MACROD2: variants seen among roughly 807,000 people sequenced by gnomAD.
MACROD2 encodes the protein mono-ADP ribosylhydrolase 2.
Under a neutral mutation model 70.4 loss-of-function variants are expected in MACROD2, and 36 were observed. The ratio of observed to expected loss-of-function variants is 0.51; its 90% CI spans 0.39 to 0.68. The LOEUF is 0.68. Among genes scored for constraint, MACROD2 ranks in the 30% least tolerant of loss-of-function variants. The pLI is 0.00. For synonymous variants in MACROD2, 172 were observed against 178.8 expected (o/e 0.96, Z 0.30); for missense variants, 496 against 538.4 (o/e 0.92, Z 0.78).
chr20:15,070,101 C>T (rs1181413953), intron 5 of MACROD2, among the ~76,000 whole-genome samples: 2 of 152,170 alleles, frequency 1.3e-5, no homozygotes, highest in African/African-American at 4.8e-5. Flanking sequence ...CCACCCCTCA[C>T]ACCAGTGTGC....
chr20:15,135,087 A>G (rs1327714997), intron 5 of MACROD2, among the ~76,000 whole-genome samples: 1 of 152,134 alleles, frequency 6.6e-6, no homozygotes, highest in African/African-American at 2.4e-5. Context: ...TTACCAACCA[A>G]AAAGAGTCCA....
intron 5 of MACROD2, chr20:14,893,421 T>C (rs548283583): frequency 6.6e-5 from 10 of 152,300 alleles, no homozygotes; most frequent in African/African-American, 1.7e-4. Context: ...CCAATAACAA[T>C]GTACATCTTC....
At chr20:14,451,438 C>T (rs1243052360) in intron 3 of MACROD2, among the ~76,000 whole-genome samples, 4 of 152,090 alleles carry the variant, frequency 2.6e-5, no homozygotes, top group African/African-American at 9.7e-5. Context: ...CAGAGAGAAA[C>T]TGTGTCTCGA....
At chr20:14,590,499 G>C (rs901437237) in intron 4 of MACROD2, among the ~76,000 whole-genome samples, 1 of 152,136 alleles carries the variant, frequency 6.6e-6, no homozygotes, top group Non-Finnish European at 1.5e-5. Context: ...CACTTGAGTA[G>C]CTGTCAGGGT....
At chr20:15,070,232 G>A (rs1408062626) in intron 5 of MACROD2, among the ~76,000 whole-genome samples, 2 of 152,152 alleles carry the variant, frequency 1.3e-5, no homozygotes, top group East Asian at 3.9e-4. Context: ...TTTACCCAAT[G>A]CCAGTTCTAC....
chr20:14,569,100 C>A (rs1980011846), intron 4 of MACROD2, among the ~76,000 whole-genome samples: 1 of 152,026 alleles, frequency 6.6e-6, no homozygotes, highest in South Asian at 2.1e-4. Flanking sequence ...GATTCTCTTA[C>A]AACCGGCAAT....
chr20:14,906,638 G>A (rs1333254946), intron 5 of MACROD2, among the ~76,000 whole-genome samples: 4 of 152,112 alleles, frequency 2.6e-5, no homozygotes, highest in African/African-American at 9.7e-5. Flanking sequence ...TTTTTTTTCA[G>A]AGTAAATAAA....
intron 5 of MACROD2, among the ~76,000 whole-genome samples, chr20:14,738,087 G>GT (rs11474629): frequency 0.78 from 115,510 of 148,284 alleles, 45,330 homozygotes; most frequent in African/African-American, 0.82. Context: ...TCTATCAAGT[G>GT]TTTTTTTTTT....
intron 7 of MACROD2, among the ~76,000 whole-genome samples, chr20:15,461,455 G>A (rs2046817523): frequency 6.6e-6 from 1 of 152,032 alleles, no homozygotes; most frequent in African/African-American, 2.4e-5. Context: ...TCCTCTCCAG[G>A]AAGGCAAGAA....
chr20:15,198,713 T>C (rs1485540257), intron 5 of MACROD2, among the ~76,000 whole-genome samples: 1 of 152,186 alleles, frequency 6.6e-6, no homozygotes, highest in Non-Finnish European at 1.5e-5. Flanking sequence ...AATTTCTCTT[T>C]TGTATAGAAT....
chr20:15,894,069 A>G (rs541137050), intron 10 of MACROD2: 16 of 397,378 alleles, frequency 4.0e-5, no homozygotes, highest in African/African-American at 2.3e-4. Flanking sequence ...CAGCAGGAAC[A>G]TGATGCCACA....
intron 4 of MACROD2, among the ~76,000 whole-genome samples, chr20:14,503,189 C>G (rs1031318707): frequency 1.3e-5 from 2 of 152,168 alleles, no homozygotes; most frequent in Non-Finnish European, 2.9e-5. Context: ...GTCCAGCAGG[C>G]AGTCAGGCCT....
intron 5 of MACROD2, among the ~76,000 whole-genome samples, chr20:14,887,717 A>G (rs1373712145): frequency 6.6e-6 from 1 of 152,010 alleles, no homozygotes; most frequent in Non-Finnish European, 1.5e-5. Flanking sequence ...AAATAGCAGA[A>G]ACAATTGCTT....
chr20:14,694,992 A>G (rs1212263339), intron 5 of MACROD2, among the ~76,000 whole-genome samples: 1 of 152,184 alleles, frequency 6.6e-6, no homozygotes, highest in African/African-American at 2.4e-5. Flanking sequence ...AGTATGTCAG[A>G]ATAATGGGAA....
chr20:14,314,717 G>A lies in MACROD2; in HGVS notation c.272-178762G>A, dbSNP rs922970961. Among the ~76,000 whole-genome samples, 10 of 152,158 alleles carry A rather than the reference G, an allele frequency of 6.6e-5. 1 individual carries two copies. The highest frequency in any genetic ancestry group is 2.6e-4 in the Admixed American group (4 of 15,284). ...GGAGGTTGGGGTGAGCTGAGGTCACGCCATTGCACTCCTGCCTGGGCAACA... is the reference window on the plus strand; with the variant it reads ...GGAGGTTGGGGTGAGCTGAGGTCACACCATTGCACTCCTGCCTGGGCAACA... On this transcript the variant is annotated intron_variant, in intron 3 of 17. Transcript: ENST00000684519.
chr20:15,479,524 C>G (rs190227944), intron 7 of MACROD2, among the ~76,000 whole-genome samples: 1 of 151,948 alleles, frequency 6.6e-6, no homozygotes, highest in East Asian at 1.9e-4. Context: ...CCGCCCGCCT[C>G]GGCCTCCCAA....
intron 6 of MACROD2, among the ~76,000 whole-genome samples, chr20:15,352,062 A>C (rs1451481332): frequency 6.6e-6 from 1 of 152,186 alleles, no homozygotes; most frequent in Non-Finnish European, 1.5e-5. Context: ...TCTGGCCTTG[A>C]AGCTGAAGCT....
chr20:15,603,343 T>TG (rs2048848464), intron 8 of MACROD2, among the ~76,000 whole-genome samples: 1 of 146,572 alleles, frequency 6.8e-6, no homozygotes, highest in African/African-American at 2.6e-5. Context: ...ACTAAAAATA[T>TG]TTAAAAAAAA....
At chr20:14,039,965 T>TAG (rs2053369782) in intron 2 of MACROD2, among the ~76,000 whole-genome samples, 1 of 152,178 alleles carries the variant, frequency 6.6e-6, no homozygotes, top group Non-Finnish European at 1.5e-5. Context: ...ATGTCTTCTT[T>TAG]AGAGTATCCA....
Sources: allele counts gnomAD v4.1 joint callset (sites outside exome capture counted in the v4.1 genomes callset), GRCh38; gene constraint gnomAD v4.1.1; transcripts MANE v1.5; gene names NCBI Gene and HGNC (gene_info 2026-07-23, HGNC 2026-07-21).